SLC9A9: variants seen among roughly 807,000 people sequenced by gnomAD.
The protein encoded by SLC9A9 is solute carrier family 9 member A9.
In SLC9A9, 62 loss-of-function variants were observed where a neutral mutation model predicts 77.8. That is an observed-to-expected ratio of 0.80 (90% CI 0.65 to 0.98). SLC9A9 has a LOEUF of 0.98. Ranked by LOEUF, SLC9A9 falls within the 50% of genes least tolerant of loss-of-function variation. The pLI is 0.00. For missense variants in SLC9A9, 775 were observed against 774.9 expected, an observed-to-expected ratio of 1.00 and a Z score of 0.00; for synonymous variants, 320 against 283.5, an observed-to-expected ratio of 1.13 and a Z score of -1.29.
At chr3:143,322,091 T>C (rs894213148) in intron 14 of SLC9A9, among the ~76,000 whole-genome samples, 2 of 152,342 alleles carry the variant, frequency 1.3e-5, no homozygotes, top group African/African-American at 4.8e-5. Context: ...GTTGCTCTCA[T>C]CTCTTTTTTC....
intron 7 of SLC9A9, among the ~76,000 whole-genome samples, chr3:143,576,451 G>A (rs1559975716): frequency 6.6e-6 from 1 of 152,182 alleles, no homozygotes; most frequent in Non-Finnish European, 1.5e-5. Context: ...CGGGTGTAAG[G>A]TGAGGAGGAC....
At chr3:143,284,317 T>A (rs930528652) in intron 14 of SLC9A9, among the ~76,000 whole-genome samples, 1 of 152,154 alleles carries the variant, frequency 6.6e-6, no homozygotes, top group Non-Finnish European at 1.5e-5. Flanking sequence ...TTTCTCCTTG[T>A]TAATATCCAA....
At chr3:143,646,125 G>A (rs1301046363) in intron 6 of SLC9A9, among the ~76,000 whole-genome samples, 2 of 151,574 alleles carry the variant, frequency 1.3e-5, no homozygotes, top group East Asian at 3.9e-4. Flanking sequence ...GGGATTTTTG[G>A]GACCAGAGTC....
At chr3:143,791,242 C>T (rs2218637) in intron 4 of SLC9A9, among the ~76,000 whole-genome samples, 1,686 of 152,332 alleles carry the variant, frequency 0.011, 24 homozygotes, top group African/African-American at 0.039. Flanking sequence ...GTTTCTTCAA[C>T]TTTCTTGCCA....
At chr3:143,338,537 G>A (rs10804689) in intron 14 of SLC9A9, among the ~76,000 whole-genome samples, 81,105 of 152,036 alleles carry the variant, frequency 0.53, 23,243 homozygotes, top group African/African-American at 0.74. Flanking sequence ...TTGTATGTAC[G>A]GATCTTGGGA....
intron 11 of SLC9A9, among the ~76,000 whole-genome samples, chr3:143,469,196 A>C (rs1430919544): frequency 6.6e-6 from 1 of 152,122 alleles, no homozygotes; most frequent in African/African-American, 2.4e-5. Flanking sequence ...CAAATACTAG[A>C]ACTTGAAATC....
intron 13 of SLC9A9, among the ~76,000 whole-genome samples, chr3:143,367,496 A>T (rs1166773220): frequency 6.6e-6 from 1 of 152,222 alleles, no homozygotes; most frequent in East Asian, 1.9e-4. Context: ...ATGACTTAAT[A>T]ACTTGGTTAT....
At chr3:143,681,480 T>C (rs1194896920) in intron 5 of SLC9A9, among the ~76,000 whole-genome samples, 1 of 152,216 alleles carries the variant, frequency 6.6e-6, no homozygotes, top group Admixed American at 6.5e-5. Context: ...CTAGCATTAT[T>C]ATTCTTTTGA....
intron 4 of SLC9A9, among the ~76,000 whole-genome samples, chr3:143,762,462 T>A (rs2007165258): frequency 6.6e-6 from 1 of 152,204 alleles, no homozygotes; most frequent in Non-Finnish European, 1.5e-5. Context: ...TCAACTGGAA[T>A]CCTTAACAAA....
In SLC9A9 at chr3:143,449,828, A is replaced by G. The variant is rs1312875325; in HGVS notation, c.1469+17209T>C. Among the ~76,000 whole-genome samples the G allele has an allele frequency of 2.2e-4, 7 of 31,870 alleles. No individual in the cohort carries two copies. In the East Asian group the frequency reaches 0.016, roughly 72 times the overall value. 20.9% of individuals were successfully genotyped at this position (31,870 alleles called of 152,430 possible). A position where few individuals can be genotyped will look rare whatever the true frequency, so the allele number is the denominator to read the frequency against. Reference sequence around the variant, plus strand: ...TATATATAATTATATATTTACATATATAATTATATGTATTATATATATATA... The same window carrying G: ...TATATATAATTATATATTTACATATGTAATTATATGTATTATATATATATA... On this transcript the variant is annotated intron_variant, in intron 12 of 15. Coordinates refer to ENST00000316549, the MANE Select transcript of SLC9A9 (RefSeq NM_173653.4).
chr3:143,653,156 C>A (rs765637960), intron 5 of SLC9A9, among the ~76,000 whole-genome samples: 1 of 152,156 alleles, frequency 6.6e-6, no homozygotes, highest in Non-Finnish European at 1.5e-5. Flanking sequence ...CACACTCACC[C>A]GTGAAGATGG....
At chr3:143,728,753 A>C (rs1934727501) in intron 4 of SLC9A9, among the ~76,000 whole-genome samples, 1 of 152,072 alleles carries the variant, frequency 6.6e-6, no homozygotes, top group Non-Finnish European at 1.5e-5. Flanking sequence ...GATTAGAAAT[A>C]TATTTGAAGG....
intron 14 of SLC9A9, among the ~76,000 whole-genome samples, chr3:143,274,084 T>C (rs1937975067): frequency 6.6e-6 from 1 of 152,188 alleles, no homozygotes; most frequent in Middle Eastern, 3.2e-3. Flanking sequence ...TACTCAATGT[T>C]ATACTTGGGA....
intron 6 of SLC9A9, among the ~76,000 whole-genome samples, chr3:143,616,734 T>C (rs2038113067): frequency 6.6e-6 from 1 of 152,158 alleles, no homozygotes; most frequent in Non-Finnish European, 1.5e-5. Context: ...CCTAGGAGGC[T>C]AACAACTCCT....
chr3:143,382,331 C>T (rs1443056021), intron 12 of SLC9A9, among the ~76,000 whole-genome samples: 1 of 152,194 alleles, frequency 6.6e-6, no homozygotes, highest in African/African-American at 2.4e-5. Flanking sequence ...TAAGCATCAA[C>T]AGCAGCTCTT....
chr3:143,343,094 T>G (rs752024555), intron 14 of SLC9A9, among the ~76,000 whole-genome samples: 6 of 152,230 alleles, frequency 3.9e-5, no homozygotes, highest in Admixed American at 1.3e-4. Flanking sequence ...CTTTATTCAC[T>G]GAAATGACTG....
At chr3:143,491,457 C>CA (rs1389392989) in intron 11 of SLC9A9, among the ~76,000 whole-genome samples, 2 of 151,996 alleles carry the variant, frequency 1.3e-5, no homozygotes, top group African/African-American at 4.8e-5. Flanking sequence ...GGATGAGTTC[C>CA]AACTTAATAA....
intron 9 of SLC9A9, among the ~76,000 whole-genome samples, chr3:143,532,651 A>G (rs2036529696): frequency 6.6e-6 from 1 of 151,916 alleles, no homozygotes; most frequent in African/African-American, 2.4e-5. Flanking sequence ...TTGCTCAGAG[A>G]CCTCTGGTCC....
At chr3:143,683,161 G>T (rs1933157132) in intron 5 of SLC9A9, among the ~76,000 whole-genome samples, 1 of 152,096 alleles carries the variant, frequency 6.6e-6, no homozygotes, top group Non-Finnish European at 1.5e-5. Flanking sequence ...GATAAGTTCT[G>T]TACATTCCAT....
Sources: gnomAD v4.1 joint callset for allele counts (sites outside exome capture counted in the v4.1 genomes callset) on GRCh38, gnomAD v4.1.1 for gene constraint, MANE v1.5 for transcripts, NCBI Gene and HGNC (gene_info 2026-07-23, HGNC 2026-07-21) for gene names.